The following AMPH variants were observed in gnomAD, a reference collection of about 807,000 sequenced individuals.
AMPH encodes the protein amphiphysin.
A neutral mutation model predicts 99.1 loss-of-function variants in AMPH; 49 were observed. That is an observed-to-expected ratio of 0.49 (90% CI 0.39 to 0.63). AMPH has a LOEUF of 0.63. Ranked by LOEUF, AMPH falls within the 20% of genes least tolerant of loss-of-function variation. AMPH has a pLI of 0.00. For missense variants in AMPH, 759 were observed against 863.4 expected (o/e 0.88, Z 1.52); for synonymous variants, 314 against 317.3 (o/e 0.99, Z 0.11).
intron 1 of AMPH, among the ~76,000 whole-genome samples, chr7:38,606,566 CTTTTTT>C (rs56934636): frequency 1.0e-5 from 1 of 97,274 alleles, no homozygotes. Flanking sequence ...ACGTCATTCT[CTTTTTT>C]TTTTTTTTTT....
chr7:38,403,291 G>T (rs763410370), intron 17 of AMPH, among the ~76,000 whole-genome samples: 1 of 152,180 alleles, frequency 6.6e-6, no homozygotes, highest in African/African-American at 2.4e-5. Context: ...GTAGGTGGGG[G>T]TGCTTCTCTA....
intron 17 of AMPH, among the ~76,000 whole-genome samples, chr7:38,408,005 C>T (rs983240744): frequency 2.0e-5 from 3 of 152,166 alleles, no homozygotes; most frequent in African/African-American, 7.2e-5. Context: ...ACATTTATTA[C>T]ACATTATTCT....
intron 12 of AMPH, 55 bp downstream of exon 12, chr7:38,436,217 C>T: frequency 7.7e-7 from 1 of 1,292,114 alleles, no homozygotes; most frequent in South Asian, 1.2e-5. Context: ...GGTTACCACA[C>T]TGAGCTTACT....
At chr7:38,620,364 C>CTGTG (rs377389687) in intron 1 of AMPH, among the ~76,000 whole-genome samples, 6,937 of 113,852 alleles carry the variant, frequency 0.061, 206 homozygotes, top group Admixed American at 0.1. Context: ...GTGTGTGTGT[C>CTGTG]TGTGTGTGTG....
chr7:38,523,630 T>C (rs1283485748), intron 2 of AMPH, among the ~76,000 whole-genome samples: 3 of 152,100 alleles, frequency 2.0e-5, no homozygotes, highest in African/African-American at 7.2e-5. Flanking sequence ...ATATAATTAA[T>C]TAATTAAGAA....
chr7:38,450,741 T>C (rs7797206), intron 11 of AMPH, among the ~76,000 whole-genome samples: 3,298 of 152,266 alleles, frequency 0.022, 123 homozygotes, highest in African/African-American at 0.076. Flanking sequence ...AGAATGTTGC[T>C]GATAAGCTTA....
chr7:38,588,877 A>G (rs1792757950), intron 1 of AMPH, among the ~76,000 whole-genome samples: 1 of 152,196 alleles, frequency 6.6e-6, no homozygotes, highest in African/African-American at 2.4e-5. Context: ...TTAAAAATTA[A>G]TTGAATACTT....
At chr7:38,519,917 C>T (rs898281999) in intron 2 of AMPH, among the ~76,000 whole-genome samples, 1 of 151,982 alleles carries the variant, frequency 6.6e-6, no homozygotes. Flanking sequence ...AAATGTGGTA[C>T]ATATACACCA....
At chr7:38,474,857 T>G (rs1182861225) in intron 7 of AMPH, among the ~76,000 whole-genome samples, 2 of 152,122 alleles carry the variant, frequency 1.3e-5, no homozygotes, top group Non-Finnish European at 2.9e-5. Flanking sequence ...GATTTAAAAG[T>G]CAGGGCTTAA....
intron 1 of AMPH, among the ~76,000 whole-genome samples, chr7:38,602,902 A>G (rs1310802148): frequency 6.6e-6 from 1 of 152,168 alleles, no homozygotes; most frequent in Admixed American, 6.5e-5. Flanking sequence ...CTCCAAAATT[A>G]CTGGTGTATC....
At chr7:38,412,133 T>C (rs1269543287) in intron 17 of AMPH, among the ~76,000 whole-genome samples, 1 of 152,138 alleles carries the variant, frequency 6.6e-6, no homozygotes, top group African/African-American at 2.4e-5. Context: ...TTTGAGGTGA[T>C]GAAAATGTTT....
At chr7:38,483,448 A>G (rs1309281181) in intron 5 of AMPH, among the ~76,000 whole-genome samples, 3 of 152,158 alleles carry the variant, frequency 2.0e-5, no homozygotes, top group African/African-American at 7.2e-5. Context: ...GCTTCTATCT[A>G]TGCAGGGAAA....
At chr7:38,458,919 A>G (rs1246140259) in intron 11 of AMPH, among the ~76,000 whole-genome samples, 1 of 152,214 alleles carries the variant, frequency 6.6e-6, no homozygotes, top group African/African-American at 2.4e-5. Flanking sequence ...GATAAGAAGA[A>G]GCCAAATTGT....
At position 38,448,436 on chromosome 7, in the gene AMPH, G is replaced by T. The variant is rs1368350489; in HGVS notation, c.1018-12048C>A. On this transcript the variant is annotated intron_variant, in intron 11 of 20. Coordinates refer to ENST00000356264, the MANE Select transcript of AMPH (RefSeq NM_001635.4). ...TAGTACTGAACCCTATACACACTAT[G>T]TTTTTTCCTATACATACATACCTAT... is the stretch of plus-strand genomic sequence containing the variant. Among the ~76,000 whole-genome samples, 3 of 152,138 alleles carry T rather than the reference G, an allele frequency of 2.0e-5. No homozygotes were observed. In the South Asian group the frequency reaches 6.2e-4, roughly 32 times the overall value.
intron 4 of AMPH, among the ~76,000 whole-genome samples, chr7:38,491,903 G>A (rs974420719): frequency 6.6e-5 from 10 of 152,144 alleles, no homozygotes; most frequent in Non-Finnish European, 7.4e-5. Context: ...CTCACCAGAG[G>A]ACTTTTTATC....
At position 38,590,637 on chromosome 7, in the gene AMPH, T is replaced by C. The variant is rs367859962; in HGVS notation, c.69+40646A>G. On this transcript the variant is annotated intron_variant, in intron 1 of 20. Transcript: ENST00000356264. ...CTTTACCTCCTGCTCTTAGCCTAAT[T>C]TGTATTTTAGTGAGCCCTCTTTACT... 4.5e-3 allele frequency among the ~76,000 whole-genome samples: 686 copies of C among 152,298 alleles called. 4 individuals are homozygous for C. The highest frequency in any genetic ancestry group is 0.016 in the African/African-American group (645 of 41,560).
intron 2 of AMPH, among the ~76,000 whole-genome samples, chr7:38,513,269 A>G (rs1184169360): frequency 2.0e-5 from 3 of 152,202 alleles, no homozygotes; most frequent in African/African-American, 4.8e-5. Flanking sequence ...GAATACAACT[A>G]TATCTAAATT....
intron 11 of AMPH, among the ~76,000 whole-genome samples, chr7:38,446,737 A>C (rs1180838854): frequency 6.6e-6 from 1 of 152,104 alleles, no homozygotes; most frequent in Non-Finnish European, 1.5e-5. Context: ...ATATGTGCAA[A>C]CTCATCAAAT....
intron 1 of AMPH, among the ~76,000 whole-genome samples, chr7:38,606,566 C>CTTT (rs56934636): frequency 4.6e-4 from 45 of 97,262 alleles, no homozygotes; most frequent in East Asian, 1.2e-3. Flanking sequence ...ACGTCATTCT[C>CTTT]TTTTTTTTTT....
Sources: gnomAD v4.1 joint callset for allele counts (sites outside exome capture counted in the v4.1 genomes callset) on GRCh38, gnomAD v4.1.1 for gene constraint, MANE v1.5 for transcripts, NCBI Gene and HGNC (gene_info 2026-07-23, HGNC 2026-07-21) for gene names.